PKIG: variants seen among roughly 807,000 people sequenced by gnomAD.
The protein encoded by PKIG is cAMP-dependent protein kinase inhibitor gamma.
A neutral mutation model predicts 6.8 loss-of-function variants in PKIG; 1 was observed. That is an observed-to-expected ratio of 0.15 (90% CI 0.05 to 0.69). The LOEUF is 0.69. PKIG is among the 30% of genes least tolerant of loss of function. The probability of loss-of-function intolerance (pLI) is 0.82; values close to 1 mark genes in which losing one functional copy is unlikely to be tolerated. For missense variants in PKIG, 77 were observed against 104.0 expected, an observed-to-expected ratio of 0.74 and a Z score of 1.13; for synonymous variants, 39 against 43.0, an observed-to-expected ratio of 0.91 and a Z score of 0.36.
intron 3 of PKIG, among the ~76,000 whole-genome samples, chr20:44,617,178 A>G (rs1272736507): frequency 2.0e-5 from 3 of 152,146 alleles, no homozygotes; most frequent in African/African-American, 4.8e-5. Context: ...AGCTTGCTAT[A>G]GGGTGGTGAT....
intron 1 of PKIG, among the ~76,000 whole-genome samples, chr20:44,545,155 C>T (rs941196854): frequency 7.2e-5 from 11 of 152,026 alleles, no homozygotes; most frequent in Middle Eastern, 3.4e-3. Context: ...AGGCCAGTCT[C>T]GAACTCCTGA....
chr20:44,562,173 T>C (rs1326716623), intron 1 of PKIG, among the ~76,000 whole-genome samples: 4 of 151,682 alleles, frequency 2.6e-5, no homozygotes, highest in Admixed American at 2.0e-4. Flanking sequence ...GTAGAAGTTA[T>C]GAAGTATAAA....
chr20:44,557,418 C>T (rs1259582362), intron 1 of PKIG, among the ~76,000 whole-genome samples: 2 of 147,284 alleles, frequency 1.4e-5, no homozygotes, highest in Non-Finnish European at 3.0e-5. Context: ...CCCAGCTACT[C>T]GGGAGGTTGC....
intron 3 of PKIG, among the ~76,000 whole-genome samples, chr20:44,616,763 A>G (rs1261975525): frequency 6.6e-6 from 1 of 152,202 alleles, no homozygotes; most frequent in African/African-American, 2.4e-5. Context: ...GTTCCGTTTC[A>G]CAGGCGGGGC....
chr20:44,544,997 A>G (rs1484420892), intron 1 of PKIG, among the ~76,000 whole-genome samples: 1 of 123,616 alleles, frequency 8.1e-6, no homozygotes, highest in Non-Finnish European at 1.6e-5. Context: ...GTACGGTGGC[A>G]CAATCTTGGT....
At chr20:44,546,772 C>T (rs898609783) in intron 1 of PKIG, among the ~76,000 whole-genome samples, 1 of 76,902 alleles carries the variant, frequency 1.3e-5, no homozygotes, top group Non-Finnish European at 2.5e-5. Flanking sequence ...AGGTTGGTCT[C>T]GAGCTCCTGA....
chr20:44,580,304 G>C (rs935163194), upstream of PKIG, among the ~76,000 whole-genome samples: 4 of 152,026 alleles, frequency 2.6e-5, no homozygotes, highest in African/African-American at 4.8e-5. Flanking sequence ...GCTGCTCTCT[G>C]TGGGTTACCA....
At chr20:44,573,740 G>A (rs1163256969) in intron 1 of PKIG, among the ~76,000 whole-genome samples, 1 of 152,196 alleles carries the variant, frequency 6.6e-6, no homozygotes, top group Non-Finnish European at 1.5e-5. Flanking sequence ...GTGTTAGAAG[G>A]ATTAGAAATA....
intron 3 of PKIG, among the ~76,000 whole-genome samples, chr20:44,616,755 T>TGCGGGCC (rs2065268443): frequency 6.6e-6 from 1 of 152,120 alleles, no homozygotes; most frequent in African/African-American, 2.4e-5. Context: ...AGGGAGCAGT[T>TGCGGGCC]CCGTTTCACA....
intron 1 of PKIG, among the ~76,000 whole-genome samples, chr20:44,558,679 TTCTTTC>T (rs2064741165): frequency 1.3e-5 from 2 of 151,242 alleles, no homozygotes; most frequent in South Asian, 4.2e-4. Context: ...CTCTCTTTCT[TTCTTTC>T]TCTTTTTCTC....
rs553582521 is a variant in PKIG at position 44,611,603 on chromosome 20, G to A, written c.-23-2931G>A. Among the ~76,000 whole-genome samples the A allele has an allele frequency of 2.5e-4, 38 of 150,548 alleles. 1 individual carries two copies. In the South Asian group the frequency reaches 7.8e-3, roughly 31 times the overall value. ...ATGATCTTGGCTCACTGCAAGCTCC[G>A]CCTCCTGGGTTCACGCCATTCTCCT... On this transcript the variant is annotated intron_variant, in intron 2 of 3. Transcript: ENST00000372886.
intron 2 of PKIG, among the ~76,000 whole-genome samples, chr20:44,594,823 A>T (rs551473520): frequency 5.3e-5 from 8 of 152,096 alleles, no homozygotes; most frequent in Non-Finnish European, 1.2e-4. Context: ...CACCTCTCTT[A>T]AGAGTCCTTT....
At chr20:44,568,413 C>T (rs938680486) in intron 1 of PKIG, among the ~76,000 whole-genome samples, 3 of 151,612 alleles carry the variant, frequency 2.0e-5, no homozygotes, top group African/African-American at 4.9e-5. Flanking sequence ...TTCTACTTTC[C>T]GTTTTACAGA....
intron 1 of PKIG, among the ~76,000 whole-genome samples, chr20:44,587,532 A>T (rs2065000266): frequency 6.6e-6 from 1 of 152,202 alleles, no homozygotes; most frequent in South Asian, 2.1e-4. Context: ...AAACAGAGGG[A>T]CGGGTGACTT....
chr20:44,553,006 T>A (rs1190232558), intron 1 of PKIG, among the ~76,000 whole-genome samples: 1 of 152,152 alleles, frequency 6.6e-6, no homozygotes, highest in Non-Finnish European at 1.5e-5. Context: ...TTGTGTATTT[T>A]TAGAAGTGGG....
intron 1 of PKIG, among the ~76,000 whole-genome samples, chr20:44,577,544 C>G (rs1381317006): frequency 6.6e-6 from 1 of 152,040 alleles, no homozygotes. Context: ...TCTGTATTTT[C>G]TTATCTTTTT....
intron 2 of PKIG, among the ~76,000 whole-genome samples, chr20:44,603,739 T>C (rs947122051): frequency 6.6e-6 from 1 of 152,212 alleles, no homozygotes; most frequent in African/African-American, 2.4e-5. Flanking sequence ...GAACAGGTAT[T>C]TGCCCTGTGA....
In PKIG at chr20:44,609,120, G is replaced by C. The variant is rs191087181; in HGVS notation, c.-23-5414G>C. Among the ~76,000 whole-genome samples, 218 of 152,298 alleles carry C rather than the reference G, an allele frequency of 1.4e-3. 1 individual carries two copies. Among genetic ancestry groups the C allele is most frequent in the African/African-American group, 5.0e-3 (209 of 41,570 alleles). ...TATAAATATGGGAGAAAAATAAAAC[G>C]ATGTGTTTCTGCTTTCGATTGGAGA... On this transcript the variant is annotated intron_variant, in intron 2 of 3. Coordinates refer to ENST00000372886, the MANE Select transcript of PKIG (RefSeq NM_001281445.2).
chr20:44,542,975 T>G (rs2064575833), intron 1 of PKIG, among the ~76,000 whole-genome samples: 1 of 152,196 alleles, frequency 6.6e-6, no homozygotes. Flanking sequence ...ACAGAATATT[T>G]TGAAGAAGTG....
Sources: gnomAD v4.1 joint callset for allele counts (sites outside exome capture counted in the v4.1 genomes callset) on GRCh38, gnomAD v4.1.1 for gene constraint, MANE v1.5 for transcripts, NCBI Gene and HGNC (gene_info 2026-07-23, HGNC 2026-07-21) for gene names.